Variants in KANK4 observed in about 807,000 individuals in gnomAD.
KANK4 encodes KN motif and ankyrin repeat domains 4.
A neutral mutation model predicts 80.8 loss-of-function variants in KANK4; 50 were observed. The observed-to-expected ratio is 0.62, with a 90% CI of 0.49 to 0.78. The LOEUF is 0.78. KANK4 is among the 30% of genes least tolerant of loss of function. KANK4 has a pLI of 0.00. For synonymous variants in KANK4, 465 were observed against 506.9 expected, an observed-to-expected ratio of 0.92 and a Z score of 1.11; for missense variants, 1,196 against 1,240.1, an observed-to-expected ratio of 0.96 and a Z score of 0.53.
chr1:62,261,961 C>A (rs1274766653), intron 7 of KANK4, among the ~76,000 whole-genome samples: 5 of 152,216 alleles, frequency 3.3e-5, no homozygotes, highest in African/African-American at 1.2e-4. Flanking sequence ...CACCATCCAG[C>A]TCCATCCCAA....
In KANK4 at chr1:62,292,787, T is replaced by C. The variant is rs141268672; in HGVS notation, c.-70-11153A>G. 1.3e-4 allele frequency among the ~76,000 whole-genome samples: 20 copies of C among 152,258 alleles called. No homozygotes were observed. In the East Asian group the frequency reaches 3.7e-3, roughly 28 times the overall value. On this transcript the variant is annotated intron_variant, in intron 1 of 9. Coordinates refer to ENST00000371153, the MANE Select transcript of KANK4 (RefSeq NM_181712.5). ...TGATTTGTCAGCCTGCTGGACAGGG[T>C]AGTGGCAAAAGTCAGCTTTGGAATC...
rs142434508 is a variant in KANK4, at chr1:62,264,627, G to C, written c.2320-1316C>G. On this transcript the variant is annotated intron_variant, in intron 6 of 9. Coordinates refer to ENST00000371153, the MANE Select transcript of KANK4 (RefSeq NM_181712.5). ...CAAGGGAGACAGTATCCGGTGCTTT[G>C]ATCCTAACATGGGTGTGGTGCCGGG... Among the ~76,000 whole-genome samples the C allele has an allele frequency of 5.3e-5, 8 of 152,244 alleles. No homozygotes were observed. The East Asian group carries it at 1.4e-3, about 26-fold the overall frequency.
intron 4 of KANK4, among the ~76,000 whole-genome samples, chr1:62,270,609 C>G (rs912820677): frequency 1.3e-5 from 2 of 152,064 alleles, no homozygotes; most frequent in Admixed American, 1.3e-4. Context: ...ATCTTGAAAT[C>G]CTGGCCTCAG....
At chr1:62,260,670 C>T (rs924456718) in intron 7 of KANK4, among the ~76,000 whole-genome samples, 1 of 152,204 alleles carries the variant, frequency 6.6e-6, no homozygotes, top group Non-Finnish European at 1.5e-5. Context: ...CAGTGGCACT[C>T]TCCGTCCCCT....
Position 62,314,536 on chromosome 1 carries a change from A to AG in KANK4, c.-71+4569dup, listed in dbSNP as rs1419881734. Among the ~76,000 whole-genome samples the AG allele has an allele frequency of 5.9e-5, 9 of 152,060 alleles. 1 individual carries two copies. In the Middle Eastern group the frequency reaches 0.017, roughly 287 times the overall value. On this transcript the variant is annotated intron_variant, in intron 1 of 9. Transcript: ENST00000371153. ...GGATGTGGAGGGGAATCGGCACCGA[A>AG]GGCTGCTCTTTTATCCTTGTGTGGA...
intron 9 of KANK4, among the ~76,000 whole-genome samples, chr1:62,245,569 T>C (rs1671445914): frequency 6.6e-6 from 1 of 152,234 alleles, no homozygotes; most frequent in African/African-American, 2.4e-5. Context: ...GCTTAAATCA[T>C]TAAATTACAG....
intron 1 of KANK4, among the ~76,000 whole-genome samples, chr1:62,292,601 T>C (rs1038946077): frequency 2.0e-5 from 3 of 152,174 alleles, no homozygotes; most frequent in African/African-American, 7.2e-5. Flanking sequence ...CCACATGGGA[T>C]TAGGAGTCCA....
Position 62,266,717 on chromosome 1 carries a change from GA to G in KANK4, c.2319+14del. On this transcript the variant is annotated intron_variant, in intron 6 of 9. Coordinates refer to ENST00000371153, the MANE Select transcript of KANK4 (RefSeq NM_181712.5). ...AGAAGGGAAATCTTTACATGACAAT[GA>G]AAAATTAGAGTACCAAGAGCTGGTC... is the stretch of plus-strand genomic sequence containing the variant. 1 of 1,556,570 alleles carries G rather than the reference GA, an allele frequency of 6.4e-7. No homozygotes were observed. The highest frequency in any genetic ancestry group is 1.1e-5 in the South Asian group (1 of 89,160).
chr1:62,246,864 G>A (rs767133945), intron 9 of KANK4, among the ~76,000 whole-genome samples: 6 of 151,556 alleles, frequency 4.0e-5, no homozygotes, highest in Non-Finnish European at 7.4e-5. Context: ...ACGTTCAAGC[G>A]GTTCTCCTGC....
In KANK4 at chr1:62,252,142, G is replaced by A. The variant is rs12093449; in HGVS notation, c.2682+925C>T. Among the ~76,000 whole-genome samples, 651 of 152,296 alleles carry A rather than the reference G, an allele frequency of 4.3e-3. 5 individuals carry two copies. The highest frequency in any genetic ancestry group is 0.014 in the African/African-American group (584 of 41,562). ...AGCTGGAGACCAAGCAAAGAAGCAG[G>A]AGACCACCTGGTAGGATTTTGCAAA... On this transcript the variant is annotated intron_variant, in intron 8 of 9. Coordinates refer to ENST00000371153, the MANE Select transcript of KANK4 (RefSeq NM_181712.5).
chr1:62,252,472 T>C (rs1405492635), intron 8 of KANK4, among the ~76,000 whole-genome samples: 3 of 152,246 alleles, frequency 2.0e-5, no homozygotes, highest in Non-Finnish European at 2.9e-5. Flanking sequence ...GGTTGATTGA[T>C]AATGACCTGC....
intron 4 of KANK4, among the ~76,000 whole-genome samples, chr1:62,271,137 G>A (rs949539927): frequency 1.6e-4 from 24 of 152,128 alleles, no homozygotes; most frequent in Admixed American, 3.9e-4. Context: ...GAAGTTCCAC[G>A]AATTAACAGA....
intron 6 of KANK4, among the ~76,000 whole-genome samples, chr1:62,263,608 C>A (rs1357970496): frequency 6.6e-6 from 1 of 152,150 alleles, no homozygotes; most frequent in Non-Finnish European, 1.5e-5. Context: ...TCACACCCCC[C>A]AGTAAGAAGT....
At chr1:62,270,803 G>A (rs1672143186) in intron 4 of KANK4, among the ~76,000 whole-genome samples, 1 of 152,120 alleles carries the variant, frequency 6.6e-6, no homozygotes, top group Non-Finnish European at 1.5e-5. Context: ...GGCTTCCACA[G>A]CATCCTGTGC....
intron 1 of KANK4, among the ~76,000 whole-genome samples, chr1:62,308,413 G>T (rs1029103354): frequency 6.6e-6 from 1 of 152,090 alleles, no homozygotes; most frequent in African/African-American, 2.4e-5. Flanking sequence ...CCTGAAGTGA[G>T]TCTATGCTGG....
intron 1 of KANK4, among the ~76,000 whole-genome samples, chr1:62,291,191 G>C (rs1672671459): frequency 6.6e-6 from 1 of 152,164 alleles, no homozygotes; most frequent in African/African-American, 2.4e-5. Context: ...TAATTGTGTT[G>C]ACTATCTTTT....
intron 1 of KANK4, among the ~76,000 whole-genome samples, chr1:62,286,408 G>A (rs1184964344): frequency 6.6e-6 from 1 of 152,232 alleles, no homozygotes; most frequent in Non-Finnish European, 1.5e-5. Flanking sequence ...CCGGGAATAG[G>A]TGAGTGGGGT....
intron 4 of KANK4, 64 bp from the exon 5 acceptor site, chr1:62,268,569 T>C (rs1242136459): frequency 1.5e-6 from 2 of 1,375,090 alleles, no homozygotes; most frequent in Non-Finnish European, 2.1e-6. Flanking sequence ...TCAACACCAG[T>C]GAGAGCTGGG....
At chr1:62,261,152 CTTTTTTTTTT>C (rs11322195) in intron 7 of KANK4, among the ~76,000 whole-genome samples, 1 of 68,386 alleles carries the variant, frequency 1.5e-5, no homozygotes, top group Admixed American at 2.3e-4. Context: ...CTCCCAATGG[CTTTTTTTTTT>C]TTTTTTTTTT....
Sources: gnomAD v4.1 joint callset for allele counts (sites outside exome capture counted in the v4.1 genomes callset) on GRCh38, gnomAD v4.1.1 for gene constraint, MANE v1.5 for transcripts, NCBI Gene and HGNC (gene_info 2026-07-23, HGNC 2026-07-21) for gene names.